Variants in ITGA9 observed in about 807,000 individuals in gnomAD.
The protein encoded by ITGA9 is integrin subunit alpha 9.
A neutral mutation model predicts 127.8 loss-of-function variants in ITGA9; 56 were observed. The ratio of observed to expected loss-of-function variants is 0.44; its 90% CI spans 0.35 to 0.55. The LOEUF (loss-of-function observed/expected upper bound fraction) is 0.55, where lower values mean the gene tolerates loss of function less well. ITGA9 is among the 20% of genes least tolerant of loss of function. The pLI is 0.00. For missense variants in ITGA9, 1,196 were observed against 1,347.1 expected (o/e 0.89, Z 1.76); for synonymous variants, 508 against 514.5 (o/e 0.99, Z 0.17).
Position 37,820,871 on chromosome 3 carries a change from A to C in ITGA9, c.*1882A>C, listed in dbSNP as rs960458408. The C allele has an allele frequency of 2.0e-5, 3 of 152,240 alleles. No individual in the cohort carries two copies. The highest frequency in any genetic ancestry group is 6.5e-5 in the Admixed American group (1 of 15,284). The allele number at this position is 152,240 out of a possible 1,614,324, so 9.4% of individuals were successfully genotyped here. On this transcript the variant is annotated 3_prime_UTR_variant, in exon 28 of 28. Coordinates refer to ENST00000264741, the MANE Select transcript of ITGA9 (RefSeq NM_002207.3). ...AGCACCTTTTTTACTGGAAGCTAAC[A>C]CGTTGGGAGTCCGTGAACATTGTCA...
intron 17 of ITGA9, among the ~76,000 whole-genome samples, chr3:37,673,041 A>G (rs67254179): frequency 0.19 from 29,333 of 152,072 alleles, 3,538 homozygotes; most frequent in Admixed American, 0.29. Context: ...ATTGATATTC[A>G]TATTCTAAAT....
At chr3:37,599,634 A>C (rs1316034559) in intron 15 of ITGA9, among the ~76,000 whole-genome samples, 1 of 152,212 alleles carries the variant, frequency 6.6e-6, no homozygotes, top group Non-Finnish European at 1.5e-5. Context: ...CATTGTGGTC[A>C]TATGCAGTGG....
chr3:37,597,662 G>A lies in ITGA9; in HGVS notation c.1690-31525G>A, dbSNP rs1453428777. 2.0e-5 allele frequency among the ~76,000 whole-genome samples: 3 copies of A among 152,218 alleles called. No individual in the cohort carries two copies. Among genetic ancestry groups the A allele is most frequent in the Non-Finnish European group, 4.4e-5 (3 of 68,042 alleles). The stretch of plus-strand genomic sequence containing the variant: ...ATAAGGTATATAGTGAGAAAAGTGA[G>A]CATTGGAGTCTATTTCAGTTATGTG... On this transcript the variant is annotated intron_variant, in intron 15 of 27. Transcript: ENST00000264741. This position sits in a 1 kb window ranked among gnomAD's most constrained non-coding sequence, Gnocchi z 4.6.
intron 8 of ITGA9, among the ~76,000 whole-genome samples, chr3:37,512,121 T>C (rs9876317): frequency 0.18 from 2,264 of 12,536 alleles, 231 homozygotes; most frequent in African/African-American, 0.25. Context: ...TCCTTCCTTC[T>C]TTCTTTTCTT....
intron 15 of ITGA9, among the ~76,000 whole-genome samples, chr3:37,596,600 G>C (rs1235073604): frequency 6.6e-6 from 1 of 152,192 alleles, no homozygotes; most frequent in Non-Finnish European, 1.5e-5. Context: ...TGCTCCCCCG[G>C]AGGAGGACAT....
intron 23 of ITGA9, among the ~76,000 whole-genome samples, chr3:37,764,493 C>CAAAAAAAAA (rs1696757530): frequency 1.3e-5 from 1 of 77,188 alleles, no homozygotes; most frequent in African/African-American, 5.1e-5. Context: ...AAAAAAAAAT[C>CAAAAAAAAA]AAGGAAATCT....
intron 17 of ITGA9, among the ~76,000 whole-genome samples, 199 bp from the exon 18 acceptor site, chr3:37,683,666 T>C (rs1198197808): frequency 1.3e-5 from 2 of 152,184 alleles, no homozygotes; most frequent in Non-Finnish European, 2.9e-5. Flanking sequence ...TTAGGCAAGG[T>C]AGAACCCTGT....
Position 37,743,932 on chromosome 3 carries a change from G to A in ITGA9, c.2331G>A (p.Met777Ile). The A allele has an allele frequency of 6.2e-7, 1 of 1,611,644 alleles. No homozygotes were observed. Among genetic ancestry groups the A allele is most frequent in the East Asian group, 2.2e-5 (1 of 44,864 alleles). Reference protein sequence around the residue: ...HEVDTSITGIMSPTSFVYGES... With the variant: ...HEVDTSITGIISPTSFVYGES... ...TCATGCTTTCCTCTTTCAGAATCAT[G>A]TCTCCAACCTCCTTTGTATATGGCG... Residue 777 changes from methionine to isoleucine, a missense_variant, in exon 22 of 28, where the codon ATG (methionine) becomes ATA (isoleucine). Transcript: ENST00000264741.
chr3:37,569,228 T>A (rs1485712681), intron 15 of ITGA9, among the ~76,000 whole-genome samples: 1 of 152,200 alleles, frequency 6.6e-6, no homozygotes, highest in African/African-American at 2.4e-5. Context: ...GGGGAACTCC[T>A]CATTATAAAA....
At chr3:37,489,514 A>G (rs1698645134) in intron 4 of ITGA9, among the ~76,000 whole-genome samples, 1 of 152,184 alleles carries the variant, frequency 6.6e-6, no homozygotes, top group Non-Finnish European at 1.5e-5. Context: ...TTCTGGCTTT[A>G]TGCACTTTGT....
intron 1 of ITGA9, among the ~76,000 whole-genome samples, chr3:37,459,054 T>C (rs574945973): frequency 6.6e-6 from 1 of 152,336 alleles, no homozygotes; most frequent in South Asian, 2.1e-4. Flanking sequence ...AAATCTACAG[T>C]CTTTGAAACC....
At chr3:37,511,713 G>A (rs1450813702) in intron 8 of ITGA9, among the ~76,000 whole-genome samples, 1 of 152,166 alleles carries the variant, frequency 6.6e-6, no homozygotes, top group African/African-American at 2.4e-5. Context: ...CTTTGAGAAT[G>A]GGTAATCAGA....
intron 15 of ITGA9, among the ~76,000 whole-genome samples, chr3:37,624,197 A>C (rs1374094708): frequency 6.1e-4 from 63 of 102,456 alleles, no homozygotes; most frequent in Middle Eastern, 5.4e-3. Context: ...AAGAAAAAAA[A>C]CCCTTTTTTT....
intron 4 of ITGA9, among the ~76,000 whole-genome samples, chr3:37,490,485 A>G (rs1014992462): frequency 6.6e-6 from 1 of 152,226 alleles, no homozygotes; most frequent in Non-Finnish European, 1.5e-5. Flanking sequence ...TTGATGTGTT[A>G]AAAAGCTTTG....
At chr3:37,682,587 C>T (rs747986243) in intron 17 of ITGA9, among the ~76,000 whole-genome samples, 1 of 152,204 alleles carries the variant, frequency 6.6e-6, no homozygotes, top group Non-Finnish European at 1.5e-5. Context: ...TGTATCCTAG[C>T]CCAGACCCCT....
intron 27 of ITGA9, among the ~76,000 whole-genome samples, chr3:37,811,253 A>G (rs1416291336): frequency 1.3e-5 from 2 of 152,176 alleles, no homozygotes; most frequent in South Asian, 2.1e-4. Flanking sequence ...AAAGGAAGAA[A>G]AGTCCAAATG....
chr3:37,636,406 G>A (rs1575175717), intron 16 of ITGA9, among the ~76,000 whole-genome samples: 1 of 152,196 alleles, frequency 6.6e-6, no homozygotes, highest in Non-Finnish European at 1.5e-5. Flanking sequence ...TTCTTCATGT[G>A]TTTTTTGGCT....
intron 15 of ITGA9, among the ~76,000 whole-genome samples, chr3:37,626,880 G>A (rs1284366102): frequency 6.6e-6 from 1 of 152,168 alleles, no homozygotes; most frequent in Non-Finnish European, 1.5e-5. Context: ...TCATCATTAA[G>A]GATTTAAATG....
At chr3:37,489,617 T>C (rs1162882465) in intron 4 of ITGA9, among the ~76,000 whole-genome samples, 2 of 152,228 alleles carry the variant, frequency 1.3e-5, no homozygotes, top group Admixed American at 6.5e-5. Context: ...TTACATTTTT[T>C]CCCCCATTTA....
Sources: gnomAD v4.1 joint callset for allele counts (sites outside exome capture counted in the v4.1 genomes callset) on GRCh38, gnomAD v4.1.1 for gene constraint, Gnocchi (gnomAD v3.1) non-coding constraint, MANE v1.5 for transcripts, NCBI Gene and HGNC (gene_info 2026-07-23, HGNC 2026-07-21) for gene names.